Variants in NKAIN2 observed in about 807,000 individuals in gnomAD.
NKAIN2 encodes sodium/potassium transporting ATPase interacting 2.
A neutral mutation model predicts 32.6 loss-of-function variants in NKAIN2; 14 were observed. The observed-to-expected ratio is 0.43, with a 90% CI of 0.28 to 0.67. NKAIN2 has a LOEUF of 0.67. Among genes scored for constraint, NKAIN2 ranks in the 30% least tolerant of loss-of-function variants. The probability of loss-of-function intolerance (pLI) is 0.17; values close to 1 mark genes in which losing one functional copy is unlikely to be tolerated. For synonymous variants in NKAIN2, 80 were observed against 87.2 expected, an observed-to-expected ratio of 0.92 and a Z score of 0.46; for missense variants, 198 against 258.3, an observed-to-expected ratio of 0.77 and a Z score of 1.60.
At position 123,840,267 on chromosome 6, in the gene NKAIN2, A is replaced by G. The variant is rs144502077; in HGVS notation, c.54+36013A>G. On this transcript the variant is annotated intron_variant, in intron 1 of 6. Coordinates refer to ENST00000368417, the MANE Select transcript of NKAIN2 (RefSeq NM_001040214.3). ...GTATATGATTATATAATGTTCTAAA[A>G]ACATTCACTTTTTTAAACTATAAAA... Among the ~76,000 whole-genome samples, 1,096 of 152,216 alleles carry G rather than the reference A, an allele frequency of 7.2e-3. 4 individuals carry two copies. The highest frequency in any genetic ancestry group is 0.012 in the Non-Finnish European group (785 of 67,932).
chr6:124,554,480 C>A (rs557971794), intron 3 of NKAIN2, among the ~76,000 whole-genome samples: 11 of 152,354 alleles, frequency 7.2e-5, no homozygotes, highest in African/African-American at 2.6e-4. Flanking sequence ...TGGCTGCGTG[C>A]AGCAGCATAG....
At chr6:124,642,847 T>C (rs1298266721) in intron 3 of NKAIN2, among the ~76,000 whole-genome samples, 1 of 152,170 alleles carries the variant, frequency 6.6e-6, no homozygotes, top group Non-Finnish European at 1.5e-5. Flanking sequence ...AACATAAATA[T>C]GTTTTAAGGT....
At chr6:123,986,441 G>C (rs183236888) in intron 1 of NKAIN2, among the ~76,000 whole-genome samples, 5 of 152,138 alleles carry the variant, frequency 3.3e-5, no homozygotes, top group Admixed American at 1.3e-4. Context: ...ATATATACTG[G>C]GGCAAAAAGC....
chr6:124,760,884 G>C (rs921374035), intron 4 of NKAIN2, among the ~76,000 whole-genome samples: 3 of 152,144 alleles, frequency 2.0e-5, no homozygotes, highest in African/African-American at 7.2e-5. Flanking sequence ...CCTTGAGAAT[G>C]AGCCACGGAT....
At chr6:124,402,834 A>G (rs896887569) in intron 3 of NKAIN2, among the ~76,000 whole-genome samples, 4 of 152,210 alleles carry the variant, frequency 2.6e-5, no homozygotes, top group Non-Finnish European at 5.9e-5. Context: ...TAAAGGTGGA[A>G]AAACTACCTA....
chr6:124,008,569 G>A (rs368278317), intron 1 of NKAIN2, among the ~76,000 whole-genome samples: 5 of 152,074 alleles, frequency 3.3e-5, no homozygotes, highest in Admixed American at 6.6e-5. Flanking sequence ...TGAGGCCTCC[G>A]AGAAGACCAG....
chr6:123,881,557 G>T (rs142873687), intron 1 of NKAIN2, among the ~76,000 whole-genome samples: 29 of 152,276 alleles, frequency 1.9e-4, no homozygotes, highest in Middle Eastern at 3.4e-3. Context: ...AGATGTATTA[G>T]CCAATGGATC....
chr6:124,011,004 C>CT (rs572570470), intron 1 of NKAIN2, among the ~76,000 whole-genome samples: 2 of 152,012 alleles, frequency 1.3e-5, no homozygotes, highest in African/African-American at 4.8e-5. Flanking sequence ...ACTATCTCCA[C>CT]TTTTTTTTCT....
intron 1 of NKAIN2, among the ~76,000 whole-genome samples, chr6:124,116,731 C>A (rs1785636772): frequency 1.3e-5 from 2 of 151,950 alleles, no homozygotes; most frequent in Admixed American, 1.3e-4. Context: ...CATCCGGTAA[C>A]TTGTAAGCTT....
At chr6:124,595,677 C>CA (rs34318010) in intron 3 of NKAIN2, among the ~76,000 whole-genome samples, 134,744 of 152,148 alleles carry the variant, frequency 0.89, 59,990 homozygotes, top group Non-Finnish European at 0.93. Context: ...AATTAAAAAC[C>CA]ATAGGGAACT....
chr6:124,419,564 G>A (rs1774652679), intron 3 of NKAIN2, among the ~76,000 whole-genome samples: 1 of 152,162 alleles, frequency 6.6e-6, no homozygotes, highest in African/African-American at 2.4e-5. Flanking sequence ...TATACAGTGT[G>A]TGTGAGGATA....
chr6:124,397,908 A>G (rs972106424), intron 3 of NKAIN2, among the ~76,000 whole-genome samples: 4 of 152,086 alleles, frequency 2.6e-5, no homozygotes, highest in Non-Finnish European at 4.4e-5. Flanking sequence ...ACCTAAAGCC[A>G]GGTTCTCAGA....
chr6:124,539,116 G>T (rs182562196), intron 3 of NKAIN2, among the ~76,000 whole-genome samples: 1 of 152,076 alleles, frequency 6.6e-6, no homozygotes, highest in African/African-American at 2.4e-5. Context: ...TTGACACTAA[G>T]TAGAGATTCA....
intron 1 of NKAIN2, among the ~76,000 whole-genome samples, chr6:124,078,531 A>G (rs573256232): frequency 2.0e-5 from 3 of 152,302 alleles, no homozygotes; most frequent in East Asian, 3.9e-4. Flanking sequence ...CACAGCTAAT[A>G]AAGGGCAGAA....
chr6:124,684,840 C>T (rs552047571), intron 4 of NKAIN2, among the ~76,000 whole-genome samples: 2 of 152,278 alleles, frequency 1.3e-5, no homozygotes, highest in South Asian at 4.1e-4. Context: ...CCCCCAAATA[C>T]CTAACATCCA....
At chr6:123,860,962 C>G (rs1393174242) in intron 1 of NKAIN2, among the ~76,000 whole-genome samples, 1 of 152,192 alleles carries the variant, frequency 6.6e-6, no homozygotes, top group African/African-American at 2.4e-5. Flanking sequence ...CCCAACATCT[C>G]TCCTCCATGC....
At chr6:124,405,654 A>G (rs1215567950) in intron 3 of NKAIN2, among the ~76,000 whole-genome samples, 1 of 151,624 alleles carries the variant, frequency 6.6e-6, no homozygotes, top group Non-Finnish European at 1.5e-5. Flanking sequence ...AGCTGGAACT[A>G]TAGGCGTGAG....
chr6:124,767,185 C>T (rs1036144398), intron 4 of NKAIN2, among the ~76,000 whole-genome samples: 5 of 152,154 alleles, frequency 3.3e-5, no homozygotes, highest in Admixed American at 1.3e-4. Flanking sequence ...TGAGCCACCG[C>T]GCCCGGCCCT....
chr6:124,348,482 T>C (rs12200553), intron 2 of NKAIN2, among the ~76,000 whole-genome samples: 22,846 of 152,300 alleles, frequency 0.15, 2,217 homozygotes, highest in Admixed American at 0.27. Flanking sequence ...TGTGGTGGGC[T>C]GCACCCAGTT....
Sources: allele counts gnomAD v4.1 joint callset (sites outside exome capture counted in the v4.1 genomes callset), GRCh38; gene constraint gnomAD v4.1.1; transcripts MANE v1.5; gene names NCBI Gene and HGNC (gene_info 2026-07-23, HGNC 2026-07-21).